COL9A2: variants seen among roughly 807,000 people sequenced by gnomAD.
The protein encoded by COL9A2 is collagen type IX alpha 2 chain.
COL9A2 carries 66 observed loss-of-function variants against 111.6 expected under a neutral mutation model. The ratio of observed to expected loss-of-function variants is 0.59; its 90% CI spans 0.48 to 0.73. COL9A2 has a LOEUF of 0.73. Ranked by LOEUF, COL9A2 falls within the 30% of genes least tolerant of loss-of-function variation. COL9A2 has a pLI of 0.00. For missense variants in COL9A2, 881 were observed against 954.1 expected (o/e 0.92, Z 1.01); for synonymous variants, 353 against 364.1 (o/e 0.97, Z 0.35).
Position 40,302,671 on chromosome 1 carries a change from A to G in COL9A2, c.1742T>C (p.Val581Ala). 1 of 1,601,476 alleles carries G rather than the reference A, an allele frequency of 6.2e-7. No homozygotes were observed. The highest frequency in any genetic ancestry group is 8.5e-7 in the Non-Finnish European group (1 of 1,175,400). ...GPHGHPGPRG[V>A]PGIVGAVGQI... ...ACCCACGGCTCCCACGATGCCAGGA[A>G]CGCCCCGAGGGCCAGGGTGCCCATG... Residue 581 changes from valine (V) to alanine (A), a missense_variant, in exon 30 of 32, where the codon GTT becomes GCT. Coordinates refer to ENST00000372748, the MANE Select transcript of COL9A2 (RefSeq NM_001852.4). The surrounding 1 kb of genome is among the most constrained non-coding windows in gnomAD (Gnocchi z 4.5).
At position 40,300,942 on chromosome 1, in the gene COL9A2, T is replaced by C; in HGVS notation, c.*240A>G. 1.9e-6 allele frequency: 1 copy of C among 531,802 alleles called. No homozygotes were observed. The highest frequency in any genetic ancestry group is 3.0e-5 in the East Asian group (1 of 33,132). 32.9% of individuals were successfully genotyped at this position (531,802 alleles called of 1,614,324 possible). ...CTGGAAGGAAAGCCGCCCTATTCCT[T>C]CAGCGCTTCGACTCCATCGACACCA... On this transcript the variant is annotated 3_prime_UTR_variant, in exon 32 of 32. Coordinates refer to ENST00000372748, the MANE Select transcript of COL9A2 (RefSeq NM_001852.4). The surrounding 1 kb of genome is among the most constrained non-coding windows in gnomAD (Gnocchi z 4.4).
chr1:40,317,237 G>A lies in COL9A2; in HGVS notation c.-40C>T. 3 of 1,398,234 alleles carry A rather than the reference G, an allele frequency of 2.1e-6. No homozygotes were observed. The highest frequency in any genetic ancestry group is 2.9e-6 in the Non-Finnish European group (3 of 1,039,426). 86.6% of individuals were successfully genotyped at this position (1,398,234 alleles called of 1,614,324 possible). A position where few individuals can be genotyped will look rare whatever the true frequency, so the allele number is the denominator to read the frequency against. On this transcript the variant is annotated 5_prime_UTR_variant, in exon 1 of 32. Coordinates refer to ENST00000372748, the MANE Select transcript of COL9A2 (RefSeq NM_001852.4). This position sits in a 1 kb window ranked among gnomAD's most constrained non-coding sequence, Gnocchi z 4.3. ...CCAAGGGGGACGGGTGCGTGTCCGC[G>A]CACGCACCGACGGCAGAGTCTCCCG...
rs1384673509 is a variant in COL9A2, at chr1:40,304,067, T to C, written c.1320A>G (p.Lys440=). ...GAACAGGGGTGCTGGAACTCACCAC[T>C]TTGCCGCGGGGCCCGGTCTTCCCTG... ...GSPGKTGPRG[K]VGDPGVAGLP... is the part of the protein sequence containing the mutation. Residue 440 remains lysine (K), a synonymous_variant, in exon 25 of 32, where the codon AAA becomes AAG. Transcript: ENST00000372748. The C allele has an allele frequency of 1.9e-5, 30 of 1,577,584 alleles. No individual in the cohort carries two copies. The highest frequency in any genetic ancestry group is 2.5e-5 in the Non-Finnish European group (29 of 1,162,616).
rs558035034 is a variant in COL9A2 at position 40,302,310 on chromosome 1, G to A, written c.1792+311C>T. On this transcript the variant is annotated intron_variant, in intron 30 of 31. Coordinates refer to ENST00000372748, the MANE Select transcript of COL9A2 (RefSeq NM_001852.4). This position sits in a 1 kb window ranked among gnomAD's most constrained non-coding sequence, Gnocchi z 4.5. ...GAAAGGGGAGTCTGGATTCACACCC[G>A]TGTGTGGCTCCAGCCTGCCTGCTTT... is the stretch of plus-strand genomic sequence containing the variant. Among the ~76,000 whole-genome samples, 161 of 152,270 alleles carry A rather than the reference G, an allele frequency of 1.1e-3. No homozygotes were observed. Among genetic ancestry groups the A allele is most frequent in the African/African-American group, 3.7e-3 (152 of 41,560 alleles).
At position 40,317,075 on chromosome 1, in the gene COL9A2, CA is replaced by C; in HGVS notation, c.75+47del. 1 of 1,536,168 alleles carries C rather than the reference CA, an allele frequency of 6.5e-7. No individual in the cohort carries two copies. Among genetic ancestry groups the C allele is most frequent in the Non-Finnish European group, 8.8e-7 (1 of 1,132,906 alleles). On this transcript the variant is annotated intron_variant, in intron 1 of 31. Coordinates refer to ENST00000372748, the MANE Select transcript of COL9A2 (RefSeq NM_001852.4). This position sits in a 1 kb window ranked among gnomAD's most constrained non-coding sequence, Gnocchi z 4.3. ...GGCAGAGCTCCTCCATCCCGGACTCCAGACCCCGCACCCTGGACCCTGGCAG... is the reference window on the plus strand; with the variant it reads ...GGCAGAGCTCCTCCATCCCGGACTCCGACCCCGCACCCTGGACCCTGGCAG...
In COL9A2 at chr1:40,311,657, C is replaced by T; in HGVS notation, c.471+5G>A. ...TTGCCATGTCGGGGGTCTGGGGACA[C>T]TTACAGGTTTCCCAGGGGGTCCTGG... is the stretch of plus-strand genomic sequence containing the variant. On this transcript the variant is annotated splice_donor_5th_base_variant and intron_variant, in intron 9 of 31. Coordinates refer to ENST00000372748, the MANE Select transcript of COL9A2 (RefSeq NM_001852.4). This position sits in a 1 kb window ranked among gnomAD's most constrained non-coding sequence, Gnocchi z 5.1. The T allele has an allele frequency of 6.2e-7, 1 of 1,614,046 alleles. No homozygotes were observed. Among genetic ancestry groups the T allele is most frequent in the South Asian group, 1.1e-5 (1 of 91,076 alleles).
In COL9A2 at chr1:40,309,420, G is replaced by A. The variant is rs1305845617; in HGVS notation, c.846+518C>T. On this transcript the variant is annotated intron_variant, in intron 16 of 31. Coordinates refer to ENST00000372748, the MANE Select transcript of COL9A2 (RefSeq NM_001852.4). ...AAACTTAAAACCGCTTCCCCCAACA[G>A]GTCTATTAATTGGGAAAAAAAAAAA... 2.0e-4 allele frequency among the ~76,000 whole-genome samples: 30 copies of A among 149,428 alleles called. 1 individual carries two copies. The highest frequency in any genetic ancestry group is 7.3e-4 in the African/African-American group (29 of 39,868).
At position 40,316,267 on chromosome 1, in the gene COL9A2, C is replaced by G. The variant is rs1644217127; in HGVS notation, c.76-603G>C. Among the ~76,000 whole-genome samples, 1 of 152,178 alleles carries G rather than the reference C, an allele frequency of 6.6e-6. No individual in the cohort carries two copies. The highest frequency in any genetic ancestry group is 2.1e-4 in the South Asian group (1 of 4,834). On this transcript the variant is annotated intron_variant, in intron 1 of 31. Transcript: ENST00000372748. This position sits in a 1 kb window ranked among gnomAD's most constrained non-coding sequence, Gnocchi z 5.5. ...TATCTTCCCACTCGGAGCGCCCCTT[C>G]GGCAGCACAGCTGCCCGGTCCTCCC... is the stretch of plus-strand genomic sequence containing the variant.
In COL9A2 at chr1:40,307,605, G is replaced by A; in HGVS notation, c.954+98C>T. 1 of 1,577,554 alleles carries A rather than the reference G, an allele frequency of 6.3e-7. No homozygotes were observed. The highest frequency in any genetic ancestry group is 8.7e-7 in the Non-Finnish European group (1 of 1,151,192). ...AACTGAGATCCAGAGGCAAGAAAGG[G>A]CATGTCCATGACCTGAGGACCCCAG... On this transcript the variant is annotated intron_variant, in intron 18 of 31. Transcript: ENST00000372748. This position sits in a 1 kb window ranked among gnomAD's most constrained non-coding sequence, Gnocchi z 4.8.
rs1272512619 is a variant in COL9A2 at position 40,303,722 on chromosome 1, C to T, written c.1402-46G>A. 1.1e-5 allele frequency: 9 copies of T among 809,906 alleles called. No homozygotes were observed. The highest frequency in any genetic ancestry group is 2.9e-5 in the Admixed American group (1 of 34,984). The allele number at this position is 809,906 out of a possible 1,614,324, so 50.2% of individuals were successfully genotyped here. A position where few individuals can be genotyped will look rare whatever the true frequency, so the allele number is the denominator to read the frequency against. ...GAGCAGAGCCGGGTGAGAAGGCGCC[C>T]GGGTGGGCGAGAGTGGGGGGTGGGG... On this transcript the variant is annotated intron_variant, in intron 27 of 31. Coordinates refer to ENST00000372748, the MANE Select transcript of COL9A2 (RefSeq NM_001852.4). The surrounding 1 kb of genome is among the most constrained non-coding windows in gnomAD (Gnocchi z 4.6).
chr1:40,315,942 G>GGGC (rs1333536104), intron 1 of COL9A2: 11 of 359,614 alleles, frequency 3.1e-5, no homozygotes, highest in Non-Finnish European at 5.5e-5. Flanking sequence ...CACTGAGAGT[G>GGGC]GGCGGCGGCG....
chr1:40,312,388 G>A lies in COL9A2; in HGVS notation c.363+68C>T, dbSNP rs1644144129. 22 of 1,583,408 alleles carry A rather than the reference G, an allele frequency of 1.4e-5. No individual in the cohort carries two copies. Among genetic ancestry groups the A allele is most frequent in the Middle Eastern group, 1.7e-4 (1 of 6,044 alleles). ...TCCTTCCCATGGTGGCCATTCCCTCGAAGCCTTTCTGTTGTCCCCTCCTTC... is the reference window on the plus strand; with the variant it reads ...TCCTTCCCATGGTGGCCATTCCCTCAAAGCCTTTCTGTTGTCCCCTCCTTC... On this transcript the variant is annotated intron_variant, in intron 7 of 31. Transcript: ENST00000372748. The surrounding 1 kb of genome is among the most constrained non-coding windows in gnomAD (Gnocchi z 6.0).
chr1:40,303,558 G>C lies in COL9A2; in HGVS notation c.1520C>G (p.Pro507Arg). 3 of 1,611,566 alleles carry C rather than the reference G, an allele frequency of 1.9e-6. No individual in the cohort carries two copies. Among genetic ancestry groups the C allele is most frequent in the Non-Finnish European group, 2.5e-6 (3 of 1,179,472 alleles). ...CACGCCCTGTCTCCCGGGCTGTCCT[G>C]GCACGCCTCGGTTCCCGGCCAGTCC... ...PRGLAGNRGV[P>R]GQPGRQGVEG... is the part of the protein sequence containing the mutation. The change falls in exon 28 of 32, where the codon CCA becomes CGA. Residue 507 changes from proline (P) to arginine (R), a missense_variant. Physicochemically the swap from Pro to Arg is moderately radical, Grantham distance 103. Transcript: ENST00000372748. This position sits in a 1 kb window ranked among gnomAD's most constrained non-coding sequence, Gnocchi z 4.6.
chr1:40,311,754 C>T lies in COL9A2; in HGVS notation c.418-39G>A. On this transcript the variant is annotated intron_variant, in intron 8 of 31. Coordinates refer to ENST00000372748, the MANE Select transcript of COL9A2 (RefSeq NM_001852.4). The surrounding 1 kb of genome is among the most constrained non-coding windows in gnomAD (Gnocchi z 5.1). ...AAGCCCAAATCATACCCCTGACCAG[C>T]CCTTACCAGCTTACCCTAGTGCCCT... is the stretch of plus-strand genomic sequence containing the variant. The T allele has an allele frequency of 6.2e-7, 1 of 1,604,954 alleles. No homozygotes were observed. Among genetic ancestry groups the T allele is most frequent in the East Asian group, 2.2e-5 (1 of 44,838 alleles).
At chr1:40,315,867 G>T in intron 1 of COL9A2, 1 of 465,746 alleles carries the variant, frequency 2.1e-6, no homozygotes. Flanking sequence ...ACCGGGAGGC[G>T]GGCGCTATTA....
Position 40,301,234 on chromosome 1 carries a change from G to A in COL9A2, c.2018C>T (p.Ser673Leu), listed in dbSNP as rs779524161. 20 of 1,614,004 alleles carry A rather than the reference G, an allele frequency of 1.2e-5. No homozygotes were observed. Among genetic ancestry groups the A allele is most frequent in the African/African-American group, 5.3e-5 (4 of 74,936 alleles). Residue 673 changes from serine to leucine, a missense_variant, in exon 32 of 32, where the codon TCG (serine) becomes TTG (leucine). Ser to Leu is a moderately radical substitution (Grantham distance 145). Transcript: ENST00000372748. ...TGTAAGGCGGGCAGAGGCATAGGCC[G>A]AAGCTCCAAGGCAGGCGGCAGGTTC... Reference protein sequence around the residue: ...FCEPAACLGASAYASARLTEP... With the variant: ...FCEPAACLGALAYASARLTEP...
intron 19 of COL9A2, among the ~76,000 whole-genome samples, chr1:40,306,778 A>T (rs1237265511): frequency 1.3e-5 from 2 of 152,058 alleles, no homozygotes; most frequent in African/African-American, 2.4e-5. Flanking sequence ...ATGAAGACAA[A>T]GATTGCATCT....
At position 40,300,919 on chromosome 1, in the gene COL9A2, G is replaced by A. The variant is rs187788913; in HGVS notation, c.*263C>T. 1.0e-3 allele frequency: 500 copies of A among 485,452 alleles called. 2 individuals carry two copies. Among genetic ancestry groups the A allele is most frequent in the African/African-American group, 8.6e-3 (446 of 51,770 alleles). The allele number at this position is 485,452 out of a possible 1,614,324, so 30.1% of individuals were successfully genotyped here. A position where few individuals can be genotyped will look rare whatever the true frequency, so the allele number is the denominator to read the frequency against. Reference sequence around the variant, plus strand: ...TGGTAACAGCCGAATGATGCTCGCTGGAAGGAAAGCCGCCCTATTCCTTCA... The same window carrying A: ...TGGTAACAGCCGAATGATGCTCGCTAGAAGGAAAGCCGCCCTATTCCTTCA... On this transcript the variant is annotated 3_prime_UTR_variant, in exon 32 of 32. Coordinates refer to ENST00000372748, the MANE Select transcript of COL9A2 (RefSeq NM_001852.4). This position sits in a 1 kb window ranked among gnomAD's most constrained non-coding sequence, Gnocchi z 4.4.
chr1:40,315,755 T>C, intron 1 of COL9A2, 91 bp from the exon 2 acceptor site: 1 of 847,016 alleles, frequency 1.2e-6, no homozygotes, highest in South Asian at 1.7e-5. Context: ...AGCGGGGTCC[T>C]AGGGGCGCAG....
Sources: allele counts gnomAD v4.1 joint callset (sites outside exome capture counted in the v4.1 genomes callset), GRCh38; gene constraint gnomAD v4.1.1; non-coding constraint Gnocchi (gnomAD v3.1); transcripts MANE v1.5; gene names NCBI Gene and HGNC (gene_info 2026-07-23, HGNC 2026-07-21).